Variants in ZNF248 observed in about 807,000 individuals in gnomAD.
ZNF248 encodes KRAB protein domain.
In ZNF248, 20 loss-of-function variants were observed where a neutral mutation model predicts 44.3. That is an observed-to-expected ratio of 0.45 (90% CI 0.32 to 0.66). The LOEUF is 0.66. Ranked by LOEUF, ZNF248 falls within the 30% of genes least tolerant of loss-of-function variation. The pLI, the probability that ZNF248 is intolerant of heterozygous loss-of-function variation, is 0.04. For synonymous variants in ZNF248, 224 were observed against 229.0 expected, an observed-to-expected ratio of 0.98 and a Z score of 0.20; for missense variants, 654 against 677.0, an observed-to-expected ratio of 0.97 and a Z score of 0.38.
chr10:37,800,122 A>G (rs1367550007), intron 6 of ZNF248, among the ~76,000 whole-genome samples: 1 of 152,158 alleles, frequency 6.6e-6, no homozygotes, highest in Middle Eastern at 3.2e-3. Flanking sequence ...AATTTAAAAA[A>G]CTTTTATTTT....
At chr10:37,797,564 G>T (rs546895334) in intron 6 of ZNF248, among the ~76,000 whole-genome samples, 2 of 152,000 alleles carry the variant, frequency 1.3e-5, no homozygotes, top group Non-Finnish European at 2.9e-5. Context: ...TCTGACAAGG[G>T]TCTGGTATCC....
chr10:37,844,842 C>T (rs972674936), intron 3 of ZNF248, among the ~76,000 whole-genome samples: 1 of 152,156 alleles, frequency 6.6e-6, no homozygotes, highest in Admixed American at 6.5e-5. Flanking sequence ...AAAACAGCAA[C>T]TGGCAGAAGT....
downstream of ZNF248, among the ~76,000 whole-genome samples, chr10:37,825,446 CTTTT>C (rs953168526): frequency 1.3e-5 from 2 of 151,984 alleles, no homozygotes; most frequent in Admixed American, 6.6e-5. Flanking sequence ...CAAATTTTTT[CTTTT>C]GTTTTTGAGA....
In ZNF248 at chr10:37,782,324, TAGG is replaced by T. The variant is rs1452390530; in HGVS notation, c.331-5752_331-5750del. Among the ~76,000 whole-genome samples, 3 of 152,200 alleles carry T rather than the reference TAGG, an allele frequency of 2.0e-5. No individual in the cohort carries two copies. The East Asian group carries it at 5.8e-4, about 29-fold the overall frequency. On this transcript the variant is annotated intron_variant, in intron 6 of 6. Coordinates refer to the ZNF248 transcript ENST00000615949. ...TTAAGATGATTTACAAGATTGGATTTAGGAGTTTTTGAATTTATTATATTTAGA... is the reference window on the plus strand; with the variant it reads ...TTAAGATGATTTACAAGATTGGATTTAGTTTTTGAATTTATTATATTTAGA...
At chr10:37,836,172 A>G (rs998916609) in intron 5 of ZNF248, among the ~76,000 whole-genome samples, 1 of 152,090 alleles carries the variant, frequency 6.6e-6, no homozygotes, top group African/African-American at 2.4e-5. Flanking sequence ...GGCACTTCCA[A>G]CAGTCTCAGC....
chr10:37,800,153 G>A (rs546666159), intron 6 of ZNF248, among the ~76,000 whole-genome samples: 103 of 152,176 alleles, frequency 6.8e-4, no homozygotes, highest in African/African-American at 2.3e-3. Context: ...GTACATGTAC[G>A]GGTTTGTTAT....
chr10:37,810,400 T>C (rs947118215), intron 6 of ZNF248, among the ~76,000 whole-genome samples: 2 of 152,214 alleles, frequency 1.3e-5, no homozygotes, highest in Non-Finnish European at 2.9e-5. Context: ...TCTTGCTGTA[T>C]TGAATTTTAT....
chr10:37,783,084 G>A (rs1016001840), intron 6 of ZNF248, among the ~76,000 whole-genome samples: 1 of 151,958 alleles, frequency 6.6e-6, no homozygotes, highest in Non-Finnish European at 1.5e-5. Context: ...ACCTTTTTTG[G>A]GTATGGCACA....
intron 6 of ZNF248, among the ~76,000 whole-genome samples, chr10:37,807,782 C>T (rs961344716): frequency 1.3e-5 from 2 of 152,026 alleles, no homozygotes; most frequent in African/African-American, 2.4e-5. Context: ...TTTATTCTAA[C>T]CATTTTTAGT....
At chr10:37,766,702 TA>T in the ZNF248 span, among the ~76,000 whole-genome samples, 1 of 152,084 alleles carries the variant, frequency 6.6e-6, no homozygotes, top group Non-Finnish European at 1.5e-5. Flanking sequence ...CTGGAAACTC[TA>T]AAAAGCAGAG....
At chr10:37,795,365 G>A (rs1466969245) in intron 6 of ZNF248, 1 of 152,152 alleles carries the variant, frequency 6.6e-6, no homozygotes, top group Non-Finnish European at 1.5e-5. Context: ...TTGACACTGT[G>A]CAGGATTGCC....
intron 6 of ZNF248, among the ~76,000 whole-genome samples, chr10:37,811,577 G>A (rs2051506020): frequency 6.6e-6 from 1 of 151,768 alleles, no homozygotes; most frequent in Admixed American, 6.6e-5. Context: ...GCTCGTGCCT[G>A]TAATCCCAGC....
intron 6 of ZNF248, chr10:37,819,667 CT>C: frequency 1.3e-6 from 1 of 797,656 alleles, no homozygotes; most frequent in South Asian, 1.3e-5. Context: ...CTGCTTCCTC[CT>C]TTTTAAGATG....
Position 37,832,645 on chromosome 10 carries a change from A to T in ZNF248, c.710T>A (p.Ile237Lys), listed in dbSNP as rs767272274. 9 of 1,613,180 alleles carry T rather than the reference A, an allele frequency of 5.6e-6. No individual in the cohort carries two copies. In the African/African-American group the frequency reaches 1.2e-4, roughly 22 times the overall value. ...AAFFTNKRSQIGETVCKYNEC... is the reference protein window; with the variant it reads ...AAFFTNKRSQKGETVCKYNEC... ...GTTATATTTACAGACTGTCTCTCCT[A>T]TCTGAGATCTCTTATTTGTAAAAAA... is the stretch of plus-strand genomic sequence containing the variant. Residue 237 changes from isoleucine to lysine, a missense_variant, in exon 6 of 6, where the codon ATA becomes AAA. By Grantham distance (102) the Ile-to-Lys change is moderately radical. Transcript: ENST00000395867.
intron 6 of ZNF248, among the ~76,000 whole-genome samples, chr10:37,797,932 A>G (rs999315318): frequency 6.6e-6 from 1 of 152,140 alleles, no homozygotes; most frequent in Admixed American, 6.5e-5. Context: ...GAGAGTTAGT[A>G]TATGACTCAG....
chr10:37,785,516 G>C (rs1291544164), intron 6 of ZNF248, among the ~76,000 whole-genome samples: 1 of 152,228 alleles, frequency 6.6e-6, no homozygotes, highest in African/African-American at 2.4e-5. Flanking sequence ...GGTGACCCAT[G>C]GCACTTACCT....
rs1459589830 is a variant in ZNF248 at position 37,831,544 on chromosome 10, T to A, written c.*71A>T. Reference sequence around the variant, plus strand: ...CATTTTCTACAAATTTCTGACATTCTTTGGCTTTCTCTGATCTCCTTTTTT... The same window carrying A: ...CATTTTCTACAAATTTCTGACATTCATTGGCTTTCTCTGATCTCCTTTTTT... On this transcript the variant is annotated 3_prime_UTR_variant, in exon 6 of 6. Transcript: ENST00000395867. The A allele has an allele frequency of 5.2e-5, 80 of 1,532,658 alleles. No individual in the cohort carries two copies. Among genetic ancestry groups the A allele is most frequent in the Non-Finnish European group, 2.6e-6 (3 of 1,143,578 alleles). The allele number at this position is 1,532,658 out of a possible 1,614,324, so 94.9% of individuals were successfully genotyped here. A position where few individuals can be genotyped will look rare whatever the true frequency, so the allele number is the denominator to read the frequency against.
At chr10:37,790,027 T>C in intron 6 of ZNF248, among the ~76,000 whole-genome samples, 1 of 150,714 alleles carries the variant, frequency 6.6e-6, no homozygotes, top group African/African-American at 2.4e-5. Context: ...TTTGGGAGGC[T>C]GAGGTGGGCG....
At chr10:37,840,644 G>A (rs1284303392) in intron 3 of ZNF248, among the ~76,000 whole-genome samples, 1 of 152,118 alleles carries the variant, frequency 6.6e-6, no homozygotes, top group Non-Finnish European at 1.5e-5. Context: ...TTAGCCGGGT[G>A]TAGTGGCACA....
Sources: gnomAD v4.1 joint callset for allele counts (sites outside exome capture counted in the v4.1 genomes callset) on GRCh38, gnomAD v4.1.1 for gene constraint, MANE v1.5 for transcripts, NCBI Gene and HGNC (gene_info 2026-07-23, HGNC 2026-07-21) for gene names.